The following CFAP299 variants were observed in gnomAD, a reference collection of about 807,000 sequenced individuals.
CFAP299 encodes the protein cilia- and flagella-associated protein 299.
CFAP299 carries 21 observed loss-of-function variants against 27.0 expected under a neutral mutation model. The ratio of observed to expected loss-of-function variants is 0.78; its 90% CI spans 0.55 to 1.12. CFAP299 has a LOEUF of 1.12. Among genes scored for constraint, CFAP299 ranks in the 50% most tolerant of loss-of-function variants. The pLI is 0.00. For missense variants in CFAP299, 310 were observed against 276.6 expected (o/e 1.12, Z -0.86); for synonymous variants, 104 against 98.1 (o/e 1.06, Z -0.36).
At chr4:80,641,060 T>C (rs1414026130) in intron 3 of CFAP299, among the ~76,000 whole-genome samples, 1 of 152,208 alleles carries the variant, frequency 6.6e-6, no homozygotes, top group African/African-American at 2.4e-5. Flanking sequence ...TCTTATGGGG[T>C]AGCATATTGC....
At chr4:80,624,873 A>G (rs1738802823) in intron 3 of CFAP299, among the ~76,000 whole-genome samples, 1 of 152,192 alleles carries the variant, frequency 6.6e-6, no homozygotes, top group Non-Finnish European at 1.5e-5. Context: ...TCAATCAAGA[A>G]TACTGTGCTC....
chr4:80,861,656 A>G (rs892290844), intron 3 of CFAP299, among the ~76,000 whole-genome samples: 2 of 152,132 alleles, frequency 1.3e-5, no homozygotes, highest in Non-Finnish European at 2.9e-5. Context: ...CAGCACAGTT[A>G]TTTCATAACT....
chr4:80,407,983 T>G (rs1308181938), intron 2 of CFAP299, among the ~76,000 whole-genome samples: 1 of 152,200 alleles, frequency 6.6e-6, no homozygotes, highest in East Asian at 1.9e-4. Context: ...CTGCTATTGT[T>G]TATTTGTTTG....
intron 3 of CFAP299, among the ~76,000 whole-genome samples, chr4:80,664,659 G>T (rs1741048558): frequency 6.6e-6 from 1 of 152,166 alleles, no homozygotes; most frequent in East Asian, 1.9e-4. Flanking sequence ...ATCTTAGCTT[G>T]CTGGGCTCCC....
intron 3 of CFAP299, among the ~76,000 whole-genome samples, chr4:80,682,864 A>G (rs951156849): frequency 5.3e-5 from 8 of 152,154 alleles, no homozygotes; most frequent in African/African-American, 1.9e-4. Flanking sequence ...GCCATTCGAT[A>G]ATACCTCCAG....
At chr4:80,454,915 A>G (rs1729074523) in intron 2 of CFAP299, among the ~76,000 whole-genome samples, 1 of 152,182 alleles carries the variant, frequency 6.6e-6, no homozygotes, top group South Asian at 2.1e-4. Flanking sequence ...AGATGAAATC[A>G]TAGGGAGTTG....
At chr4:80,860,005 T>C (rs1420218975) in intron 3 of CFAP299, among the ~76,000 whole-genome samples, 2 of 152,194 alleles carry the variant, frequency 1.3e-5, no homozygotes, top group Non-Finnish European at 2.9e-5. Context: ...CTGCAGAGTG[T>C]TTTCCAACTT....
chr4:80,686,850 G>A (rs1324586416), intron 3 of CFAP299, among the ~76,000 whole-genome samples: 3 of 152,098 alleles, frequency 2.0e-5, no homozygotes, highest in Non-Finnish European at 4.4e-5. Context: ...TAACATTTCT[G>A]TTCCTTCCTT....
At chr4:80,769,099 C>T (rs963828437) in intron 3 of CFAP299, among the ~76,000 whole-genome samples, 1 of 152,006 alleles carries the variant, frequency 6.6e-6, no homozygotes, top group Admixed American at 6.5e-5. Flanking sequence ...TGAGAGATGC[C>T]AATACTGTCA....
At chr4:80,836,344 A>G (rs1208720102) in intron 3 of CFAP299, among the ~76,000 whole-genome samples, 4 of 152,214 alleles carry the variant, frequency 2.6e-5, no homozygotes, top group Non-Finnish European at 4.4e-5. Flanking sequence ...ACAGTTTTGT[A>G]GGTCAGATAT....
Position 80,873,271 on chromosome 4 carries a change from T to A in CFAP299, c.476+3136T>A, listed in dbSNP as rs535103046. On this transcript the variant is annotated intron_variant, in intron 4 of 5. Coordinates refer to ENST00000358105, the MANE Select transcript of CFAP299 (RefSeq NM_152770.3). ...TCTATATCCTTACCTTTTAGCATGG[T>A]CTTTTATTCTATGCAGAGACAAACA... Among the ~76,000 whole-genome samples the A allele has an allele frequency of 2.0e-5, 3 of 152,290 alleles. No homozygotes were observed. The East Asian group carries it at 5.8e-4, about 29-fold the overall frequency.
chr4:80,946,305 G>C (rs933316567), intron 5 of CFAP299, among the ~76,000 whole-genome samples: 45 of 152,098 alleles, frequency 3.0e-4, no homozygotes, highest in African/African-American at 1.0e-3. Context: ...CAGCTCCACA[G>C]TCATCTGGGC....
At chr4:80,653,764 C>A (rs900351307) in intron 3 of CFAP299, among the ~76,000 whole-genome samples, 1 of 152,084 alleles carries the variant, frequency 6.6e-6, no homozygotes, top group Non-Finnish European at 1.5e-5. Context: ...TTCACCAAAA[C>A]CATTGTCTAT....
intron 3 of CFAP299, among the ~76,000 whole-genome samples, chr4:80,864,549 TA>T (rs1732603720): frequency 6.8e-6 from 1 of 147,920 alleles, no homozygotes; most frequent in Non-Finnish European, 1.5e-5. Flanking sequence ...TATATAGGTA[TA>T]TATATATAAT....
intron 3 of CFAP299, among the ~76,000 whole-genome samples, chr4:80,794,344 T>G (rs1034915764): frequency 1.3e-5 from 2 of 152,194 alleles, no homozygotes; most frequent in Non-Finnish European, 2.9e-5. Context: ...AAAATTTTGC[T>G]AGTGGATCAT....
chr4:80,804,763 T>A (rs1484348042), intron 3 of CFAP299, among the ~76,000 whole-genome samples: 1 of 152,180 alleles, frequency 6.6e-6, no homozygotes, highest in Non-Finnish European at 1.5e-5. Flanking sequence ...TATTTGTGTC[T>A]TCGGATCTAA....
chr4:80,481,228 TGTGAA>T (rs1578494855), intron 2 of CFAP299, among the ~76,000 whole-genome samples: 1 of 152,054 alleles, frequency 6.6e-6, no homozygotes, highest in Non-Finnish European at 1.5e-5. Flanking sequence ...AGAATGCTAT[TGTGAA>T]GTGAAGTTCC....
At chr4:80,679,027 A>G (rs1009682550) in intron 3 of CFAP299, among the ~76,000 whole-genome samples, 10 of 152,044 alleles carry the variant, frequency 6.6e-5, no homozygotes, top group African/African-American at 1.7e-4. Context: ...ATCCGTAACC[A>G]TAAAAGAACT....
intron 2 of CFAP299, among the ~76,000 whole-genome samples, chr4:80,457,686 G>A (rs1170056920): frequency 1.3e-5 from 2 of 151,912 alleles, no homozygotes; most frequent in African/African-American, 2.4e-5. Flanking sequence ...GATGTTTTTC[G>A]GGACTTCTAT....
Sources: allele counts gnomAD v4.1 joint callset (sites outside exome capture counted in the v4.1 genomes callset), GRCh38; gene constraint gnomAD v4.1.1; transcripts MANE v1.5; gene names NCBI Gene and HGNC (gene_info 2026-07-23, HGNC 2026-07-21).